Variants in PITHD1 observed in about 807,000 individuals in gnomAD.
The protein encoded by PITHD1 is PITH domain containing 1, also known as PITH domain-containing protein 1.
A neutral mutation model predicts 27.5 loss-of-function variants in PITHD1; 8 were observed. The ratio of observed to expected loss-of-function variants is 0.29; its 90% CI spans 0.17 to 0.52. PITHD1 has a LOEUF of 0.52. Among genes scored for constraint, PITHD1 ranks in the 20% least tolerant of loss-of-function variants. The pLI, the probability that PITHD1 is intolerant of heterozygous loss-of-function variation, is 0.96. For synonymous variants in PITHD1, 118 were observed against 106.8 expected (o/e 1.10, Z -0.64); for missense variants, 233 against 283.9 (o/e 0.82, Z 1.29).
Position 23,786,300 on chromosome 1 carries a change from C to G in PITHD1, c.426-15C>G, listed in dbSNP as rs753583542. 19 of 1,170,564 alleles carry G rather than the reference C, an allele frequency of 1.6e-5. No homozygotes were observed. The highest frequency in any genetic ancestry group is 2.4e-5 in the Non-Finnish European group (19 of 785,072). 72.5% of individuals were successfully genotyped at this position (1,170,564 alleles called of 1,614,324 possible). ...ATAATTCATACCTTCTTTCCCTATT[C>G]CTGTCATCCTCTAGAATTTCTCGTT... On this transcript the variant is annotated splice_polypyrimidine_tract_variant and intron_variant, in intron 4 of 5. Coordinates refer to ENST00000246151, the MANE Select transcript of PITHD1 (RefSeq NM_020362.5).
intron 3 of PITHD1, among the ~76,000 whole-genome samples, chr1:23,782,805 G>A (rs1292517909): frequency 6.6e-6 from 1 of 151,658 alleles, no homozygotes; most frequent in Admixed American, 6.6e-5. Flanking sequence ...GTTTTGTTAT[G>A]TTGCCCAGGC....
Position 23,779,959 on chromosome 1 carries a change from AG to A in PITHD1, c.320+20del. The stretch of plus-strand genomic sequence containing the variant: ...ATGAGACTGTAAGTGGCAAAGGCTT[AG>A]GCCCTCAAAGGAGCTCCTAATTCTC... On this transcript the variant is annotated intron_variant, in intron 3 of 5. Coordinates refer to ENST00000246151, the MANE Select transcript of PITHD1 (RefSeq NM_020362.5). 1 of 1,463,822 alleles carries A rather than the reference AG, an allele frequency of 6.8e-7. No homozygotes were observed. Among genetic ancestry groups the A allele is most frequent in the African/African-American group, 1.4e-5 (1 of 72,090 alleles). The allele number at this position is 1,463,822 out of a possible 1,614,324, so 90.7% of individuals were successfully genotyped here.
At position 23,785,727 on chromosome 1, in the gene PITHD1, C is replaced by A. The variant is rs754571929; in HGVS notation, c.373C>A (p.Gln125Lys). Residue 125 changes from glutamine (Q) to lysine (K), a missense_variant, in exon 4 of 6, where the codon CAG (glutamine) becomes AAG (lysine). By Grantham distance (53) the Gln-to-Lys change is moderately conservative. Coordinates refer to ENST00000246151, the MANE Select transcript of PITHD1 (RefSeq NM_020362.5). ...SFDDTEREPD[Q>K]TFSLNRDLTG... ...TGATGATACAGAAAGGGAGCCAGATCAGACCTTTAGTCTGAACCGGGATCT... is the reference window on the plus strand; with the variant it reads ...TGATGATACAGAAAGGGAGCCAGATAAGACCTTTAGTCTGAACCGGGATCT... 1 of 1,610,840 alleles carries A rather than the reference C, an allele frequency of 6.2e-7. No homozygotes were observed. The highest frequency in any genetic ancestry group is 8.5e-7 in the Non-Finnish European group (1 of 1,177,054).
chr1:23,779,704 G>A, intron 2 of PITHD1, 160 bp from the exon 3 acceptor site: 1 of 666,016 alleles, frequency 1.5e-6, no homozygotes, highest in Non-Finnish European at 2.7e-6. Context: ...TCTTAGAATT[G>A]TAGAATGCTA....
chr1:23,785,858 C>T, intron 4 of PITHD1, 79 bp downstream of exon 4: 1 of 776,176 alleles, frequency 1.3e-6, no homozygotes, highest in South Asian at 1.5e-5. Flanking sequence ...CTCCTGCTCT[C>T]TTAGCATTGG....
chr1:23,785,847 T>A, intron 4 of PITHD1, 68 bp downstream of exon 4: 1 of 830,432 alleles, frequency 1.2e-6, no homozygotes, highest in South Asian at 1.4e-5. Flanking sequence ...TTTTGGCCAG[T>A]CTCCTGCTCT....
rs778045599 is a variant in PITHD1, at chr1:23,787,267, T to C, written c.535-8T>C. On this transcript the variant is annotated splice_polypyrimidine_tract_variant and splice_region_variant and intron_variant, in intron 5 of 5. Coordinates refer to ENST00000246151, the MANE Select transcript of PITHD1 (RefSeq NM_020362.5). ...TGGCTGGCTGACCCAGCCTCAATTT[T>C]CTTGCAGCTTCGCCGACACGAGGTG... 1.2e-6 allele frequency: 2 copies of C among 1,610,538 alleles called. No homozygotes were observed. The highest frequency in any genetic ancestry group is 2.2e-5 in the South Asian group (2 of 90,954).
chr1:23,785,554 A>G, intron 3 of PITHD1, 121 bp from the exon 4 acceptor site: 1 of 558,232 alleles, frequency 1.8e-6, no homozygotes. Context: ...CTAAAATATG[A>G]CCCCCAAATT....
chr1:23,785,668 T>G lies in PITHD1; in HGVS notation c.321-7T>G. On this transcript the variant is annotated splice_region_variant and splice_polypyrimidine_tract_variant and intron_variant, in intron 3 of 5. Coordinates refer to ENST00000246151, the MANE Select transcript of PITHD1 (RefSeq NM_020362.5). ...TTTCTTGACTTTTCTTTCCTTTCCTTTCTCAGGTACAAGAATATTCCACAG... is the reference window on the plus strand; with the variant it reads ...TTTCTTGACTTTTCTTTCCTTTCCTGTCTCAGGTACAAGAATATTCCACAG... The G allele has an allele frequency of 6.4e-7, 1 of 1,560,844 alleles. No individual in the cohort carries two copies.
At chr1:23,786,194 T>G (rs1484221331) in intron 4 of PITHD1, 121 bp from the exon 5 acceptor site, 1 of 556,288 alleles carries the variant, frequency 1.8e-6, no homozygotes, top group African/African-American at 1.9e-5. Flanking sequence ...AAGGAAGAAC[T>G]CAGGAGCTCT....
In PITHD1 at chr1:23,787,424, G is replaced by C. The variant is rs1324590708; in HGVS notation, c.*48G>C. 8 of 1,063,356 alleles carry C rather than the reference G, an allele frequency of 7.5e-6. No individual in the cohort carries two copies. The highest frequency in any genetic ancestry group is 1.2e-5 in the Non-Finnish European group (8 of 684,548). The allele number at this position is 1,063,356 out of a possible 1,614,324, so 65.9% of individuals were successfully genotyped here. On this transcript the variant is annotated 3_prime_UTR_variant, in exon 6 of 6. Transcript: ENST00000246151. ...AGGCGCTGTGTCAGTGAAGATGTACGACTACCTGTTGGGAAGGACAAAGGG... is the reference window on the plus strand; with the variant it reads ...AGGCGCTGTGTCAGTGAAGATGTACCACTACCTGTTGGGAAGGACAAAGGG...
At chr1:23,784,946 C>G (rs1011712758) in intron 3 of PITHD1, among the ~76,000 whole-genome samples, 1 of 152,210 alleles carries the variant, frequency 6.6e-6, no homozygotes, top group African/African-American at 2.4e-5. Context: ...ATTGGGTTAC[C>G]TGATCTTTTA....
intron 3 of PITHD1, among the ~76,000 whole-genome samples, chr1:23,782,066 G>A (rs1045994519): frequency 1.3e-5 from 2 of 152,164 alleles, no homozygotes; most frequent in Non-Finnish European, 2.9e-5. Flanking sequence ...AGAAAAATTA[G>A]ATTGAGAGTA....
intron 3 of PITHD1, among the ~76,000 whole-genome samples, chr1:23,782,758 C>T (rs971533359): frequency 2.0e-5 from 3 of 151,900 alleles, no homozygotes; most frequent in East Asian, 3.9e-4. Flanking sequence ...TGTGCCACCA[C>T]GCCCAGCTAA....
At position 23,787,296 on chromosome 1, in the gene PITHD1, A is replaced by G. The variant is rs760764748; in HGVS notation, c.556A>G (p.Ile186Val). ...WTELRRHEVT[I>V]CNYEASANPA... ...GCAGCTTCGCCGACACGAGGTGACC[A>G]TCTGCAATTACGAAGCATCTGCCAA... is the stretch of plus-strand genomic sequence containing the variant. Residue 186 changes from isoleucine (I) to valine (V), a missense_variant, in exon 6 of 6, where the codon ATC becomes GTC. By Grantham distance (29) the Ile-to-Val change is conservative (BLOSUM62 3). Transcript: ENST00000246151. The G allele has an allele frequency of 6.2e-6, 10 of 1,613,748 alleles. No homozygotes were observed. The highest frequency in any genetic ancestry group is 1.6e-4 in the Middle Eastern group (1 of 6,084).
At position 23,779,431 on chromosome 1, in the gene PITHD1, C is replaced by T. The variant is rs369312692; in HGVS notation, c.199-7C>T. 53 of 1,610,912 alleles carry T rather than the reference C, an allele frequency of 3.3e-5. No individual in the cohort carries two copies. The highest frequency in any genetic ancestry group is 4.2e-5 in the Non-Finnish European group (49 of 1,177,184). On this transcript the variant is annotated splice_region_variant and splice_polypyrimidine_tract_variant and intron_variant, in intron 1 of 5. Coordinates refer to ENST00000246151, the MANE Select transcript of PITHD1 (RefSeq NM_020362.5). ...GCTTTCTCCTCCCCCCTCCCCATCCCCTCCAGTTTGTTGAAAGTGATGCAG... is the reference window on the plus strand; with the variant it reads ...GCTTTCTCCTCCCCCCTCCCCATCCTCTCCAGTTTGTTGAAAGTGATGCAG...
intron 1 of PITHD1, 104 bp from the exon 2 acceptor site, chr1:23,779,334 T>C: frequency 2.3e-6 from 2 of 852,658 alleles, no homozygotes; most frequent in South Asian, 2.9e-5. Flanking sequence ...AGAGTGACTC[T>C]TCCCATTGCA....
At chr1:23,786,635 A>G (rs1233194696) in intron 5 of PITHD1, among the ~76,000 whole-genome samples, 2 of 147,312 alleles carry the variant, frequency 1.4e-5, no homozygotes, top group African/African-American at 5.0e-5. Context: ...TAAATAATAT[A>G]TATAATATAT....
chr1:23,778,769 C>T (rs1638549851), intron 1 of PITHD1, 56 bp downstream of exon 1: 1 of 1,014,280 alleles, frequency 9.9e-7, no homozygotes, highest in Non-Finnish European at 1.3e-6. Flanking sequence ...GGCCTCGGGC[C>T]GTCGGTCTAC....
Sources: allele counts gnomAD v4.1 joint callset (sites outside exome capture counted in the v4.1 genomes callset), GRCh38; gene constraint gnomAD v4.1.1; transcripts MANE v1.5; gene names NCBI Gene and HGNC (gene_info 2026-07-23, HGNC 2026-07-21).